The following ADAMTSL1 variants were observed in gnomAD, a reference collection of about 807,000 sequenced individuals.
The protein encoded by ADAMTSL1 is ADAMTS like 1.
A neutral mutation model predicts 201.8 loss-of-function variants in ADAMTSL1; 126 were observed. That is an observed-to-expected ratio of 0.62 (90% CI 0.54 to 0.72). The LOEUF (loss-of-function observed/expected upper bound fraction) is 0.72. Among genes scored for constraint, ADAMTSL1 ranks in the 30% least tolerant of loss-of-function variants. The pLI, the probability that ADAMTSL1 is intolerant of heterozygous loss-of-function variation, is 0.00. For missense variants in ADAMTSL1, 2,679 were observed against 2,277.8 expected (o/e 1.18, Z -3.59); for synonymous variants, 1,121 against 903.4 (o/e 1.24, Z -4.32).
intron 1 of ADAMTSL1, among the ~76,000 whole-genome samples, chr9:17,942,600 C>G (rs1256219791): frequency 6.6e-6 from 1 of 152,152 alleles, no homozygotes; most frequent in African/African-American, 2.4e-5. Context: ...AGAATTTGTA[C>G]TTTGGCCTGC....
At chr9:18,349,508 A>G (rs545263049) in intron 2 of ADAMTSL1, among the ~76,000 whole-genome samples, 147 of 152,290 alleles carry the variant, frequency 9.7e-4, no homozygotes, top group Non-Finnish European at 1.6e-3. Flanking sequence ...ATTTTATTAA[A>G]AGAATATGAT....
chr9:18,488,102 G>T (rs1156888930), intron 1 of ADAMTSL1, among the ~76,000 whole-genome samples: 1 of 152,184 alleles, frequency 6.6e-6, no homozygotes, highest in Admixed American at 6.5e-5. Flanking sequence ...CTAGGCTTAA[G>T]ATTCAGATGC....
At chr9:18,316,155 A>G (rs1834386040) in intron 2 of ADAMTSL1, among the ~76,000 whole-genome samples, 1 of 152,200 alleles carries the variant, frequency 6.6e-6, no homozygotes, top group Admixed American at 6.5e-5. Context: ...GACATCAAGT[A>G]CTTTACACGG....
chr9:18,317,531 C>A (rs1338690873), intron 2 of ADAMTSL1, among the ~76,000 whole-genome samples: 1 of 151,982 alleles, frequency 6.6e-6, no homozygotes, highest in African/African-American at 2.4e-5. Flanking sequence ...ATTTGTACAC[C>A]TTGGATATAT....
intron 1 of ADAMTSL1, among the ~76,000 whole-genome samples, chr9:18,028,589 C>T (rs952976465): frequency 3.9e-5 from 6 of 152,070 alleles, no homozygotes; most frequent in African/African-American, 1.4e-4. Flanking sequence ...GGCATTATTT[C>T]TGAGGGCTCT....
intron 7 of ADAMTSL1, among the ~76,000 whole-genome samples, chr9:18,653,621 A>G (rs1587810672): frequency 2.5e-4 from 2 of 8,082 alleles, no homozygotes; most frequent in South Asian, 4.0e-3. Flanking sequence ...ATGAAAAAGA[A>G]AAAAAAAAAA....
intron 1 of ADAMTSL1, among the ~76,000 whole-genome samples, chr9:18,142,107 G>A (rs1447240541): frequency 1.3e-5 from 2 of 152,158 alleles, no homozygotes; most frequent in Admixed American, 6.5e-5. Context: ...TGTTCCAATA[G>A]CTTTAGAAAC....
At chr9:18,090,262 G>C (rs962147752) in intron 1 of ADAMTSL1, among the ~76,000 whole-genome samples, 159 of 152,074 alleles carry the variant, frequency 1.0e-3, no homozygotes, top group African/African-American at 3.6e-3. Context: ...AAACACAAAA[G>C]AATTGAAAGC....
intron 2 of ADAMTSL1, among the ~76,000 whole-genome samples, chr9:18,417,367 G>GAAAAAAAAAAAAAAAAAAAAAAAAAA (rs80226819): frequency 4.6e-5 from 3 of 64,670 alleles, no homozygotes; most frequent in East Asian, 3.7e-4. Context: ...AAGTAAGCAG[G>GAAAAAAAAAAAAAAAAAAAAAAAAAA]AAAAAAAAAA....
intron 2 of ADAMTSL1, among the ~76,000 whole-genome samples, chr9:18,318,971 G>T (rs1834517075): frequency 2.0e-5 from 3 of 152,218 alleles, no homozygotes. Flanking sequence ...CACTTTGGGA[G>T]GCCAAGGTGG....
At chr9:17,977,918 C>T (rs1266139873) in intron 1 of ADAMTSL1, among the ~76,000 whole-genome samples, 1 of 151,950 alleles carries the variant, frequency 6.6e-6, no homozygotes, top group East Asian at 1.9e-4. Flanking sequence ...ATTAAAATCC[C>T]CTACCATTAT....
chr9:18,504,744 C>T (rs966801244), intron 1 of ADAMTSL1, 85 bp from the exon 2 acceptor site: 12 of 1,580,804 alleles, frequency 7.6e-6, no homozygotes, highest in Non-Finnish European at 1.0e-5. Context: ...CATGTACACA[C>T]ACGTACAGGC....
At chr9:18,726,069 A>C (rs145737329) in intron 15 of ADAMTSL1, among the ~76,000 whole-genome samples, 3 of 152,242 alleles carry the variant, frequency 2.0e-5, no homozygotes, top group Non-Finnish European at 2.9e-5. Context: ...ATAGGATCAT[A>C]GTAGGCACTC....
intron 2 of ADAMTSL1, among the ~76,000 whole-genome samples, chr9:18,519,846 G>A (rs996125435): frequency 1.3e-5 from 2 of 152,208 alleles, no homozygotes; most frequent in Admixed American, 6.5e-5. Flanking sequence ...GGCTTCGTTA[G>A]AAGCTGGGCA....
At chr9:18,392,422 C>T (rs1014453272) in intron 2 of ADAMTSL1, among the ~76,000 whole-genome samples, 20 of 152,218 alleles carry the variant, frequency 1.3e-4, no homozygotes, top group African/African-American at 4.6e-4. Context: ...GCAGTGGCAT[C>T]TTAGTGCCTG....
chr9:18,161,825 T>A (rs973727280), intron 1 of ADAMTSL1, among the ~76,000 whole-genome samples: 1 of 151,878 alleles, frequency 6.6e-6, no homozygotes, highest in Non-Finnish European at 1.5e-5. Flanking sequence ...GTAGCAGGAG[T>A]AATTTAGGTT....
chr9:18,315,327 C>T (rs567102966), intron 2 of ADAMTSL1, among the ~76,000 whole-genome samples: 69 of 152,262 alleles, frequency 4.5e-4, no homozygotes, highest in African/African-American at 1.5e-3. Flanking sequence ...TAGTGCATCC[C>T]GCGCCAGGGT....
At chr9:18,011,982 G>C (rs1322358860) in intron 1 of ADAMTSL1, among the ~76,000 whole-genome samples, 1 of 152,082 alleles carries the variant, frequency 6.6e-6, no homozygotes, top group Non-Finnish European at 1.5e-5. Flanking sequence ...TGTTTCCCCA[G>C]TGTTAGCATT....
Position 18,777,660 on chromosome 9 carries a change from C to G in ADAMTSL1, c.3431C>G (p.Ser1144Cys). 2 of 1,613,666 alleles carry G rather than the reference C, an allele frequency of 1.2e-6. No individual in the cohort carries two copies. Among genetic ancestry groups the G allele is most frequent in the South Asian group, 2.2e-5 (2 of 91,068 alleles). Reference sequence around the variant, plus strand: ...AAACACGTGTCTGGCTTCAGCAGCTCCCTGCGGACCTCCTCCACCGGGGAC... The same window carrying G: ...AAACACGTGTCTGGCTTCAGCAGCTGCCTGCGGACCTCCTCCACCGGGGAC... ...PHKHVSGFSS[S>C]LRTSSTGDAG... is the part of the protein sequence containing the mutation. Residue 1144 changes from serine to cysteine, a missense_variant, in exon 19 of 29, where the codon TCC becomes TGC. Transcript: ENST00000380548.
Sources: allele counts gnomAD v4.1 joint callset (sites outside exome capture counted in the v4.1 genomes callset), GRCh38; gene constraint gnomAD v4.1.1; transcripts MANE v1.5; gene names NCBI Gene and HGNC (gene_info 2026-07-23, HGNC 2026-07-21).